SRGAP3: variants seen among roughly 807,000 people sequenced by gnomAD.
SRGAP3 encodes the protein SLIT-ROBO Rho GTPase activating protein 3, also known as SLIT-ROBO Rho GTPase-activating protein 3.
SRGAP3 carries 39 observed loss-of-function variants against 121.1 expected under a neutral mutation model. That is an observed-to-expected ratio of 0.32 (90% CI 0.25 to 0.42). The LOEUF (loss-of-function observed/expected upper bound fraction) is 0.42, where lower values mean the gene tolerates loss of function less well. Ranked by LOEUF, SRGAP3 falls within the 10% of genes least tolerant of loss-of-function variation. SRGAP3 has a pLI of 1.00. For missense variants in SRGAP3, 1,213 were observed against 1,470.6 expected (o/e 0.82, Z 2.86); for synonymous variants, 601 against 570.0 (o/e 1.05, Z -0.77).
intron 3 of SRGAP3, among the ~76,000 whole-genome samples, chr3:9,297,810 C>T (rs951094398): frequency 1.3e-5 from 2 of 151,700 alleles, no homozygotes; most frequent in African/African-American, 4.8e-5. Flanking sequence ...GCACGAGAAT[C>T]GCTAGAACCC....
chr3:9,284,639 G>A (rs977623146), intron 3 of SRGAP3, among the ~76,000 whole-genome samples: 63 of 152,158 alleles, frequency 4.1e-4, no homozygotes, highest in African/African-American at 1.5e-3. Flanking sequence ...AGACCAGCCT[G>A]AACAACGTGA....
chr3:9,314,942 C>G (rs1955318982), intron 3 of SRGAP3, among the ~76,000 whole-genome samples: 1 of 152,200 alleles, frequency 6.6e-6, no homozygotes, highest in Non-Finnish European at 1.5e-5. Context: ...CATTTGAACT[C>G]CAGACCAGCC....
chr3:8,991,313 A>G (rs2124931206), intron 20 of SRGAP3, among the ~76,000 whole-genome samples: 1 of 152,256 alleles, frequency 6.6e-6, no homozygotes, highest in Non-Finnish European at 1.5e-5. Context: ...GTCCCCTGGG[A>G]ACTGAAGACA....
At chr3:9,135,471 C>A (rs1407511113) in intron 1 of SRGAP3, among the ~76,000 whole-genome samples, 1 of 152,182 alleles carries the variant, frequency 6.6e-6, no homozygotes, top group Non-Finnish European at 1.5e-5. Context: ...GGGTCCCTTG[C>A]CCTCCAACTC....
chr3:9,293,135 T>A (rs1954897097), intron 3 of SRGAP3: 1 of 151,788 alleles, frequency 6.6e-6, no homozygotes, highest in East Asian at 1.9e-4. Context: ...AATAAAAGAA[T>A]ATTTGCAGTA....
At chr3:9,204,057 C>A (rs1223544847) in intron 1 of SRGAP3, among the ~76,000 whole-genome samples, 1 of 152,178 alleles carries the variant, frequency 6.6e-6, no homozygotes, top group Non-Finnish European at 1.5e-5. Flanking sequence ...CTTGTCTCCA[C>A]CACCACCACC....
At chr3:9,104,957 C>G in intron 2 of SRGAP3, 115 bp from the exon 3 acceptor site, 9 of 1,244,598 alleles carry the variant, frequency 7.2e-6, no homozygotes, top group Non-Finnish European at 1.0e-5. Context: ...CAAGGTCAGT[C>G]TTGTTGTTAC....
intron 3 of SRGAP3, among the ~76,000 whole-genome samples, chr3:9,315,816 A>G (rs7613178): frequency 0.086 from 13,110 of 152,262 alleles, 1,370 homozygotes; most frequent in African/African-American, 0.25. Context: ...ATTAAAAAAA[A>G]GAATGCAATG....
At chr3:9,266,849 G>T (rs1954377811) in intron 3 of SRGAP3, among the ~76,000 whole-genome samples, 1 of 152,104 alleles carries the variant, frequency 6.6e-6, no homozygotes. Flanking sequence ...ACAGTCATTT[G>T]GGCTTTATGG....
At chr3:9,049,513 G>A (rs781000568) in intron 9 of SRGAP3, 25 of 456,030 alleles carry the variant, frequency 5.5e-5, no homozygotes, top group South Asian at 3.9e-4. Flanking sequence ...GTCACTCACT[G>A]GGTACCTCGG....
intron 15 of SRGAP3, 50 bp downstream of exon 15, chr3:9,015,547 C>G: frequency 6.2e-7 from 1 of 1,611,052 alleles, no homozygotes; most frequent in Non-Finnish European, 8.5e-7. Context: ...TAGCTCAACT[C>G]CAACAATGAT....
At chr3:9,155,827 T>C (rs1169294442) in intron 1 of SRGAP3, among the ~76,000 whole-genome samples, 2 of 152,224 alleles carry the variant, frequency 1.3e-5, no homozygotes, top group Non-Finnish European at 2.9e-5. Context: ...ATTGCTTTCT[T>C]TTTCTTGAGA....
chr3:9,067,598 A>G (rs928418797), intron 4 of SRGAP3, among the ~76,000 whole-genome samples: 1 of 152,146 alleles, frequency 6.6e-6, no homozygotes, highest in Non-Finnish European at 1.5e-5. Context: ...GCAGGCGCCT[A>G]TTTTGATGAT....
chr3:8,984,081 C>T lies in SRGAP3; in HGVS notation c.*1438G>A, dbSNP rs1383627764. The stretch of plus-strand genomic sequence containing the variant: ...ATCGAAGGAGAGCGACCCGGAAGGG[C>T]TTTACTTGGCCAAGAGGCAAAGGCC... On this transcript the variant is annotated 3_prime_UTR_variant, in exon 22 of 22. Transcript: ENST00000383836. The T allele has an allele frequency of 4.3e-6, 1 of 232,092 alleles. No homozygotes were observed. Among genetic ancestry groups the T allele is most frequent in the Non-Finnish European group, 8.5e-6 (1 of 117,398 alleles). The allele number at this position is 232,092 out of a possible 1,614,324, so 14.4% of individuals were successfully genotyped here. A position where few individuals can be genotyped will look rare whatever the true frequency, so the allele number is the denominator to read the frequency against.
intron 1 of SRGAP3, among the ~76,000 whole-genome samples, chr3:9,223,005 G>T (rs987145403): frequency 6.6e-6 from 1 of 152,240 alleles, no homozygotes; most frequent in Admixed American, 6.5e-5. Flanking sequence ...TATGCCACCA[G>T]TGCTAGGGGC....
chr3:9,275,711 G>C (rs1430417247), intron 3 of SRGAP3, among the ~76,000 whole-genome samples: 4 of 152,110 alleles, frequency 2.6e-5, no homozygotes, highest in Admixed American at 1.3e-4. Flanking sequence ...TGTGCCTTTT[G>C]CCCTCTGTCA....
chr3:9,020,510 C>T (rs1022235512), intron 14 of SRGAP3, among the ~76,000 whole-genome samples: 1 of 152,132 alleles, frequency 6.6e-6, no homozygotes, highest in Non-Finnish European at 1.5e-5. Context: ...TTCCTGTGGT[C>T]TCATAATTCA....
At chr3:9,001,664 T>G (rs1284816786) in intron 18 of SRGAP3, among the ~76,000 whole-genome samples, 1 of 151,962 alleles carries the variant, frequency 6.6e-6, no homozygotes, top group African/African-American at 2.4e-5. Flanking sequence ...AATAAAATAA[T>G]TTAAAAGACA....
chr3:9,108,108 G>A (rs1252769390), intron 2 of SRGAP3, among the ~76,000 whole-genome samples: 8 of 152,140 alleles, frequency 5.3e-5, no homozygotes, highest in Non-Finnish European at 4.4e-5. Flanking sequence ...AAGGCCCAAT[G>A]TTGGGGGAGA....
Sources: allele counts gnomAD v4.1 joint callset (sites outside exome capture counted in the v4.1 genomes callset), GRCh38; gene constraint gnomAD v4.1.1; transcripts MANE v1.5; gene names NCBI Gene and HGNC (gene_info 2026-07-23, HGNC 2026-07-21).